Variants in PIK3C2B observed in about 807,000 individuals in gnomAD.
PIK3C2B encodes the protein phosphatidylinositol-4-phosphate 3-kinase catalytic subunit type 2 beta.
PIK3C2B carries 83 observed loss-of-function variants against 184.3 expected under a neutral mutation model. That is an observed-to-expected ratio of 0.45 (90% CI 0.38 to 0.54). The LOEUF is 0.54. PIK3C2B is among the 20% of genes least tolerant of loss of function. PIK3C2B has a pLI of 0.00. For missense variants in PIK3C2B, 1,736 were observed against 2,113.5 expected, an observed-to-expected ratio of 0.82 and a Z score of 3.50; for synonymous variants, 779 against 837.6, an observed-to-expected ratio of 0.93 and a Z score of 1.21.
rs1158443948 is a variant in PIK3C2B at position 204,494,498 on chromosome 1, C to CA, written c.-228_-227insT. The CA allele has an allele frequency of 6.6e-6, 1 of 152,432 alleles. No individual in the cohort carries two copies. Among genetic ancestry groups the CA allele is most frequent in the Non-Finnish European group, 1.5e-5 (1 of 68,236 alleles). 9.4% of individuals were successfully genotyped at this position (152,432 alleles called of 1,614,324 possible). On this transcript the variant is annotated 5_prime_UTR_variant, in exon 1 of 33. Coordinates refer to ENST00000684373, the MANE Select transcript of PIK3C2B (RefSeq NM_001377334.1). ...GCGAGAGGAGCTGGCCGGCCGCACG[C>CA]CGCCTGCTCCCGGGCCGCTCCCCTC...
At chr1:204,478,287 G>A (rs749097123) in intron 1 of PIK3C2B, among the ~76,000 whole-genome samples, 11 of 152,084 alleles carry the variant, frequency 7.2e-5, no homozygotes, top group Non-Finnish European at 1.5e-4. Flanking sequence ...TTTGCAGCCA[G>A]GGACCCTGCC....
chr1:204,484,443 GT>G (rs1657428103), intron 1 of PIK3C2B, among the ~76,000 whole-genome samples: 1 of 152,142 alleles, frequency 6.6e-6, no homozygotes, highest in Non-Finnish European at 1.5e-5. Flanking sequence ...ATTTGATTAA[GT>G]GTTTAAGCTG....
Position 204,465,254 on chromosome 1 carries a change from A to G in PIK3C2B, c.999T>C (p.Asp333=). Residue 333 remains aspartate, a synonymous_variant, in exon 3 of 33, where the codon GAT becomes GAC. Transcript: ENST00000684373. ...HELFEVSEER[D]EEVAAFCHML... is the part of the protein sequence containing the mutation. ...TGTGGCAAAATGCAGCAACCTCCTC[A>G]TCTCTCTCTTCTGAGACCTCAAACA... 3 of 1,610,768 alleles carry G rather than the reference A, an allele frequency of 1.9e-6. No homozygotes were observed. Among genetic ancestry groups the G allele is most frequent in the Non-Finnish European group, 2.5e-6 (3 of 1,178,792 alleles).
At chr1:204,456,144 A>G in intron 10 of PIK3C2B, 93 bp from the exon 11 acceptor site, 1 of 973,786 alleles carries the variant, frequency 1.0e-6, no homozygotes, top group South Asian at 1.8e-5. Context: ...ATGGCCTAAG[A>G]CAGTGGTCCC....
Position 204,449,191 on chromosome 1 carries a change from G to A in PIK3C2B, c.2340C>T (p.Ile780=). 1.9e-6 allele frequency: 3 copies of A among 1,607,092 alleles called. No homozygotes were observed. Among genetic ancestry groups the A allele is most frequent in the East Asian group, 2.2e-5 (1 of 44,842 alleles). Reference sequence around the variant, plus strand: ...GGAAGGGCTAAAGCCTCACCTGCAGGATGACACTGTCTGGCTGGTGGAAAT... The same window carrying A: ...GGAAGGGCTAAAGCCTCACCTGCAGAATGACACTGTCTGGCTGGTGGAAAT... ...APNFHQPDSV[I]LQIDFPTSAF... is the part of the protein sequence containing the mutation. Residue 780 remains isoleucine, a synonymous_variant, in exon 14 of 33, where the codon ATC becomes ATT. Coordinates refer to ENST00000684373, the MANE Select transcript of PIK3C2B (RefSeq NM_001377334.1).
At position 204,456,908 on chromosome 1, in the gene PIK3C2B, C is replaced by CCA. The variant is rs1177687096; in HGVS notation, c.1747+127_1747+128dup. On this transcript the variant is annotated intron_variant, in intron 10 of 32. Transcript: ENST00000684373. ...CACACACACACACACACACACACACCCACACACACACACACACCAGCCGAA... is the reference window on the plus strand; with the variant it reads ...CACACACACACACACACACACACACCCACACACACACACACACACCAGCCGAA... 3.4e-3 allele frequency: 735 copies of CCA among 214,764 alleles called. 8 individuals carry two copies. Among genetic ancestry groups the CCA allele is most frequent in the African/African-American group, 0.016 (594 of 36,158 alleles). The allele number at this position is 214,764 out of a possible 1,614,324, so 13.3% of individuals were successfully genotyped here.
intron 5 of PIK3C2B, 71 bp downstream of exon 5, chr1:204,463,941 C>T: frequency 6.5e-7 from 1 of 1,532,674 alleles, no homozygotes. Flanking sequence ...GGTCCCAGCA[C>T]CAATCCCATG....
chr1:204,464,708 C>T, intron 3 of PIK3C2B, 104 bp from the exon 4 acceptor site: 1 of 1,075,222 alleles, frequency 9.3e-7, no homozygotes, highest in Non-Finnish European at 1.3e-6. Flanking sequence ...CCCCTCTGTC[C>T]CCACTCAGCC....
intron 1 of PIK3C2B, among the ~76,000 whole-genome samples, chr1:204,476,930 T>G (rs1192370467): frequency 6.6e-6 from 1 of 152,270 alleles, no homozygotes; most frequent in African/African-American, 2.4e-5. Context: ...CAGTTTTCTT[T>G]CACCACCTGC....
intron 22 of PIK3C2B, 32 bp downstream of exon 22, chr1:204,440,160 C>T: frequency 3.1e-6 from 5 of 1,592,144 alleles, no homozygotes; most frequent in Non-Finnish European, 4.3e-6. Flanking sequence ...AAGCGGTCCC[C>T]TCCTCCACCC....
chr1:204,489,404 T>C (rs892525251), intron 1 of PIK3C2B, among the ~76,000 whole-genome samples: 2 of 151,710 alleles, frequency 1.3e-5, no homozygotes, highest in Non-Finnish European at 2.9e-5. Flanking sequence ...ACTCCTTGGC[T>C]CAAGTGATCA....
chr1:204,456,909 C>T (rs1481514658), intron 10 of PIK3C2B, 128 bp downstream of exon 10: 2 of 161,108 alleles, frequency 1.2e-5, no homozygotes, highest in African/African-American at 6.2e-5. Context: ...CACACACACC[C>T]ACACACACAC....
chr1:204,454,628 C>G, intron 12 of PIK3C2B, 41 bp downstream of exon 12: 1 of 1,608,742 alleles, frequency 6.2e-7, no homozygotes, highest in Non-Finnish European at 8.5e-7. Flanking sequence ...CTGAGCAGGT[C>G]TACAGTGGCC....
rs543852480 is a variant in PIK3C2B, at chr1:204,444,346, C to T, written c.2757G>A (p.Leu919=). ...SLSDAELLDY[L]PQLVQALKYE... ...ATCCACCCACCTGTACCAGCTGGGGCAGGTAGTCTAGCAGCTCAGCATCTG... is the reference window on the plus strand; with the variant it reads ...ATCCACCCACCTGTACCAGCTGGGGTAGGTAGTCTAGCAGCTCAGCATCTG... The change falls in exon 17 of 33, where the codon CTG becomes CTA. Residue 919 remains leucine (L), a synonymous_variant. Transcript: ENST00000684373. The T allele has an allele frequency of 1.2e-6, 2 of 1,613,542 alleles. No individual in the cohort carries two copies. The highest frequency in any genetic ancestry group is 1.7e-5 in the Admixed American group (1 of 60,010).
intron 1 of PIK3C2B, among the ~76,000 whole-genome samples, chr1:204,487,928 A>T (rs1461035750): frequency 6.6e-6 from 1 of 152,220 alleles, no homozygotes; most frequent in Admixed American, 6.5e-5. Context: ...CCTAGAATTT[A>T]GCACAAACCT....
At position 204,425,031 on chromosome 1, in the gene PIK3C2B, C is replaced by G; in HGVS notation, c.4726G>C (p.Asp1576His). ...NPTYNEMLVY[D>H]GIPKGDLQQR... is the part of the protein sequence containing the mutation. ...TGCAGGTCACCCTTGGGGATCCCAT[C>G]ATATACCAACTGCAAACATAGAGAT... is the stretch of plus-strand genomic sequence containing the variant. Residue 1576 changes from aspartate (D) to histidine (H), a missense_variant, in exon 33 of 33, where the codon GAT (aspartate) becomes CAT (histidine). By Grantham distance (81) the Asp-to-His change is moderately conservative. Coordinates refer to ENST00000684373, the MANE Select transcript of PIK3C2B (RefSeq NM_001377334.1). The G allele has an allele frequency of 5.6e-6, 9 of 1,613,194 alleles. No homozygotes were observed. The highest frequency in any genetic ancestry group is 7.6e-6 in the Non-Finnish European group (9 of 1,179,428).
chr1:204,433,900 C>T lies in PIK3C2B; in HGVS notation c.3736G>A (p.Gly1246Arg), dbSNP rs763641029. ...AAGCGGCTGGAAGGCTTGTCACCCC[C>T]GTTGATGACATACGCCATGTCCGAG... ...FTSDMAYVIN[G>R]GDKPSSRFHD... Residue 1246 changes from glycine (G) to arginine (R), a missense_variant, in exon 25 of 33, where the codon GGG (glycine) becomes AGG (arginine). By Grantham distance (125) the Gly-to-Arg change is moderately radical (BLOSUM62 -2). Coordinates refer to ENST00000684373, the MANE Select transcript of PIK3C2B (RefSeq NM_001377334.1). This position sits in a 1 kb window ranked among gnomAD's most constrained non-coding sequence, Gnocchi z 5.0. 1.5e-5 allele frequency: 24 copies of T among 1,613,978 alleles called. No homozygotes were observed. The highest frequency in any genetic ancestry group is 1.9e-5 in the Non-Finnish European group (23 of 1,179,990).
At position 204,425,646 on chromosome 1, in the gene PIK3C2B, G is replaced by A; in HGVS notation, c.4683C>T (p.Ala1561=). ...TGTAGGTAGGATTGCAGGTTTTCCG[G>A]GCCACTTTGGTTTTCCTCTTAGTGG... ...QKTTKRKTKV[A]RKTCNPTYNE... is the part of the protein sequence containing the mutation. The change falls in exon 32 of 33, where the codon GCC becomes GCT. Residue 1561 remains alanine (A), a synonymous_variant. Coordinates refer to ENST00000684373, the MANE Select transcript of PIK3C2B (RefSeq NM_001377334.1). 6.2e-7 allele frequency: 1 copy of A among 1,614,044 alleles called. No homozygotes were observed. Among genetic ancestry groups the A allele is most frequent in the Non-Finnish European group, 8.5e-7 (1 of 1,179,996 alleles).
At chr1:204,467,763 A>T (rs1655925118) in intron 2 of PIK3C2B, among the ~76,000 whole-genome samples, 1 of 140,218 alleles carries the variant, frequency 7.1e-6, no homozygotes, top group South Asian at 2.3e-4. Context: ...TGAACCCGGG[A>T]GGCAGAGGCT....
Sources: gnomAD v4.1 joint callset for allele counts (sites outside exome capture counted in the v4.1 genomes callset) on GRCh38, gnomAD v4.1.1 for gene constraint, Gnocchi (gnomAD v3.1) non-coding constraint, MANE v1.5 for transcripts, NCBI Gene and HGNC (gene_info 2026-07-23, HGNC 2026-07-21) for gene names.